The following ANKS1B variants were observed in gnomAD, a reference collection of about 807,000 sequenced individuals.
ANKS1B encodes the protein ankyrin repeat and sterile alpha motif domain-containing protein 1B.
A neutral mutation model predicts 148.3 loss-of-function variants in ANKS1B; 36 were observed. The ratio of observed to expected loss-of-function variants is 0.24; its 90% CI spans 0.19 to 0.32. The LOEUF is 0.32. ANKS1B is among the 10% of genes least tolerant of loss of function. The pLI is 1.00. For synonymous variants in ANKS1B, 542 were observed against 560.8 expected (o/e 0.97, Z 0.47); for missense variants, 1,157 against 1,542.6 (o/e 0.75, Z 4.19).
chr12:99,461,726 G>A (rs915881304), intron 10 of ANKS1B, among the ~76,000 whole-genome samples: 13 of 152,196 alleles, frequency 8.5e-5, no homozygotes, highest in African/African-American at 2.6e-4. Flanking sequence ...CAGTTTCCTC[G>A]TACATTTTCA....
intron 11 of ANKS1B, among the ~76,000 whole-genome samples, chr12:99,437,142 G>C (rs985506039): frequency 2.0e-5 from 3 of 151,970 alleles, no homozygotes; most frequent in Admixed American, 6.6e-5. Flanking sequence ...TTCCACCTTG[G>C]TTGGGTTCTG....
intron 11 of ANKS1B, among the ~76,000 whole-genome samples, chr12:99,430,278 G>A (rs2152746573): frequency 6.6e-6 from 1 of 152,246 alleles, no homozygotes; most frequent in South Asian, 2.1e-4. Context: ...CAGGTACAGT[G>A]GGAGTAGAAG....
intron 14 of ANKS1B, among the ~76,000 whole-genome samples, chr12:99,240,784 C>T (rs2089148977): frequency 6.6e-6 from 1 of 152,182 alleles, no homozygotes; most frequent in Admixed American, 6.5e-5. Context: ...GAACAACCTG[C>T]TCCTGAGTGA....
At chr12:99,864,764 T>C (rs1372459693) in intron 1 of ANKS1B, among the ~76,000 whole-genome samples, 3 of 152,204 alleles carry the variant, frequency 2.0e-5, no homozygotes, top group Admixed American at 2.0e-4. Flanking sequence ...AATTACATAT[T>C]TTAAAAGCAT....
intron 4 of ANKS1B, among the ~76,000 whole-genome samples, chr12:99,796,777 A>T (rs2066309554): frequency 6.6e-6 from 1 of 151,982 alleles, no homozygotes. Flanking sequence ...AACCTATTTT[A>T]AAAGTAACCT....
At chr12:99,697,761 A>G (rs1003180951) in intron 8 of ANKS1B, among the ~76,000 whole-genome samples, 6 of 152,208 alleles carry the variant, frequency 3.9e-5, no homozygotes, top group Non-Finnish European at 2.9e-5. Context: ...TAATGTATCA[A>G]TATCAGTTGA....
intron 12 of ANKS1B, among the ~76,000 whole-genome samples, chr12:99,387,736 T>G (rs1207936950): frequency 1.3e-5 from 2 of 151,796 alleles, no homozygotes; most frequent in Non-Finnish European, 2.9e-5. Flanking sequence ...TGCCTCGGTG[T>G]GGCCTCCCCA....
At chr12:99,611,601 CCT>C (rs1257361920) in intron 9 of ANKS1B, among the ~76,000 whole-genome samples, 1 of 152,050 alleles carries the variant, frequency 6.6e-6, no homozygotes, top group African/African-American at 2.4e-5. Flanking sequence ...GCCAGCCTCC[CCT>C]GAGACTAGGT....
rs1008727290 is a variant in ANKS1B at position 99,400,223 on chromosome 12, G to T, written c.1576-412C>A. 1.4e-4 allele frequency among the ~76,000 whole-genome samples: 16 copies of T among 112,148 alleles called. 3 individuals carry two copies. The highest frequency in any genetic ancestry group is 5.3e-4 in the African/African-American group (14 of 26,604). 73.6% of individuals were successfully genotyped at this position (112,148 alleles called of 152,430 possible). A position where few individuals can be genotyped will look rare whatever the true frequency, so the allele number is the denominator to read the frequency against. On this transcript the variant is annotated intron_variant, in intron 11 of 26. Coordinates refer to ENST00000683438, the MANE Select transcript of ANKS1B (RefSeq NM_001352186.2). Reference sequence around the variant, plus strand: ...AATAAAAGGGCCTTACAACATAGAAGAATAATTAAGGCAGTTCCATTTTTT... The same window carrying T: ...AATAAAAGGGCCTTACAACATAGAATAATAATTAAGGCAGTTCCATTTTTT...
chr12:99,049,763 T>G (rs2099964748), intron 17 of ANKS1B, among the ~76,000 whole-genome samples: 1 of 152,208 alleles, frequency 6.6e-6, no homozygotes, highest in South Asian at 2.1e-4. Flanking sequence ...TGTGAAATAA[T>G]TTACATGGGA....
chr12:99,537,586 C>A (rs532610482), intron 9 of ANKS1B, among the ~76,000 whole-genome samples: 1 of 152,126 alleles, frequency 6.6e-6, no homozygotes, highest in East Asian at 1.9e-4. Flanking sequence ...ATATTCAAAT[C>A]TTTTGCTCAT....
chr12:99,091,645 G>A (rs534415673), intron 15 of ANKS1B, among the ~76,000 whole-genome samples: 2 of 152,316 alleles, frequency 1.3e-5, no homozygotes, highest in South Asian at 2.1e-4. Context: ...GCATATATCT[G>A]TATAAATATA....
intron 12 of ANKS1B, among the ~76,000 whole-genome samples, chr12:99,315,222 G>A (rs1157532462): frequency 6.7e-6 from 1 of 149,406 alleles, no homozygotes; most frequent in Non-Finnish European, 1.5e-5. Context: ...CCTAGTGACA[G>A]TGTGAGACTT....
At chr12:99,077,838 C>A (rs1396545585) in intron 16 of ANKS1B, among the ~76,000 whole-genome samples, 2 of 152,170 alleles carry the variant, frequency 1.3e-5, no homozygotes, top group Non-Finnish European at 2.9e-5. Flanking sequence ...GAAAGAATGT[C>A]ACATTCCTAA....
At chr12:99,727,793 T>C (rs1211486501) in intron 8 of ANKS1B, among the ~76,000 whole-genome samples, 1 of 151,982 alleles carries the variant, frequency 6.6e-6, no homozygotes, top group Non-Finnish European at 1.5e-5. Flanking sequence ...AAAACAGACA[T>C]ATAGACCAGT....
intron 15 of ANKS1B, among the ~76,000 whole-genome samples, chr12:99,124,141 G>T (rs951068504): frequency 6.6e-6 from 1 of 152,146 alleles, no homozygotes; most frequent in Non-Finnish European, 1.5e-5. Context: ...AGGAAAAATT[G>T]CTTTGGATCC....
At chr12:99,876,634 G>T (rs2153733151) in intron 1 of ANKS1B, among the ~76,000 whole-genome samples, 1 of 151,986 alleles carries the variant, frequency 6.6e-6, no homozygotes, top group East Asian at 1.9e-4. Flanking sequence ...GGAGGCTGAG[G>T]CAGGAGAATT....
At chr12:98,856,820 G>C (rs2099574197) in intron 17 of ANKS1B, among the ~76,000 whole-genome samples, 1 of 152,138 alleles carries the variant, frequency 6.6e-6, no homozygotes, top group Non-Finnish European at 1.5e-5. Flanking sequence ...GTGTCTAGAA[G>C]AATCAATAGG....
At chr12:99,479,026 T>C (rs2096369673) in intron 10 of ANKS1B, among the ~76,000 whole-genome samples, 1 of 152,068 alleles carries the variant, frequency 6.6e-6, no homozygotes, top group Non-Finnish European at 1.5e-5. Flanking sequence ...TTTACATTCT[T>C]TTTGTGTACT....
Sources: gnomAD v4.1 joint callset for allele counts (sites outside exome capture counted in the v4.1 genomes callset) on GRCh38, gnomAD v4.1.1 for gene constraint, MANE v1.5 for transcripts, NCBI Gene and HGNC (gene_info 2026-07-23, HGNC 2026-07-21) for gene names.